CCDC178: variants seen among roughly 807,000 people sequenced by gnomAD.
CCDC178 encodes the protein coiled-coil domain-containing protein 178.
CCDC178 carries 126 observed loss-of-function variants against 117.4 expected under a neutral mutation model. The ratio of observed to expected loss-of-function variants is 1.07; its 90% CI spans 0.93 to 1.24. CCDC178 has a LOEUF of 1.24. CCDC178 is among the 50% of genes most tolerant of loss of function. The pLI is 0.00. For missense variants in CCDC178, 1,030 were observed against 986.9 expected (o/e 1.04, Z -0.59); for synonymous variants, 283 against 313.4 (o/e 0.90, Z 1.02).
In CCDC178 at chr18:32,990,115, T is replaced by C. The variant is rs1462350940; in HGVS notation, c.2389-15434A>G. Among the ~76,000 whole-genome samples the C allele has an allele frequency of 2.6e-5, 4 of 152,152 alleles. No individual in the cohort carries two copies. The East Asian group carries it at 7.7e-4, about 29-fold the overall frequency. ...GAGAAAATTGGAAGACTTCTTTAAATATACTGAATGAGATCTAACTAAATA... is the reference window on the plus strand; with the variant it reads ...GAGAAAATTGGAAGACTTCTTTAAACATACTGAATGAGATCTAACTAAATA... On this transcript the variant is annotated intron_variant, in intron 21 of 22. Transcript: ENST00000383096.
chr18:33,241,736 A>C (rs763783225), intron 15 of CCDC178, among the ~76,000 whole-genome samples: 4 of 151,786 alleles, frequency 2.6e-5, no homozygotes, highest in Admixed American at 1.3e-4. Flanking sequence ...ACAAAATGGA[A>C]AAACATCCAA....
intron 22 of CCDC178, among the ~76,000 whole-genome samples, chr18:32,954,926 A>T (rs931372372): frequency 1.3e-5 from 2 of 152,174 alleles, no homozygotes; most frequent in Non-Finnish European, 2.9e-5. Context: ...CACTTAAAAA[A>T]AAAAGTCTTG....
chr18:33,392,223 C>T (rs996498644), intron 4 of CCDC178, among the ~76,000 whole-genome samples: 7 of 152,108 alleles, frequency 4.6e-5, no homozygotes, highest in Non-Finnish European at 8.8e-5. Context: ...GCCACCCCAA[C>T]CCATAGGGGC....
Position 33,039,691 on chromosome 18 carries a change from G to A in CCDC178, c.2388+53070C>T, listed in dbSNP as rs1157076948. On this transcript the variant is annotated intron_variant, in intron 21 of 22. Transcript: ENST00000383096. ...TTATGAAAAGGCACTATTTCAAAACGAGAGAGGGGACCTTAGATGCATCTC... is the reference window on the plus strand; with the variant it reads ...TTATGAAAAGGCACTATTTCAAAACAAGAGAGGGGACCTTAGATGCATCTC... Among the ~76,000 whole-genome samples the A allele has an allele frequency of 2.6e-5, 4 of 151,934 alleles. No individual in the cohort carries two copies. In the East Asian group the frequency reaches 5.8e-4, roughly 22 times the overall value.
chr18:33,174,501 T>A (rs892083297), intron 20 of CCDC178, among the ~76,000 whole-genome samples: 3 of 152,136 alleles, frequency 2.0e-5, no homozygotes, highest in African/African-American at 4.8e-5. Flanking sequence ...GGACTATGAA[T>A]GAGGACAGAG....
chr18:33,310,082 C>T (rs1261369942), intron 11 of CCDC178, among the ~76,000 whole-genome samples: 1 of 152,122 alleles, frequency 6.6e-6, no homozygotes, highest in Non-Finnish European at 1.5e-5. Flanking sequence ...CTGCCTCAGC[C>T]TTCTGAGTAG....
At chr18:33,249,034 T>C (rs1212216295) in intron 14 of CCDC178, among the ~76,000 whole-genome samples, 1 of 152,188 alleles carries the variant, frequency 6.6e-6, no homozygotes, top group Non-Finnish European at 1.5e-5. Context: ...TGAGCATTTT[T>C]TCATGTGTGT....
chr18:33,432,919 G>T (rs555036170), intron 2 of CCDC178, among the ~76,000 whole-genome samples: 1 of 152,200 alleles, frequency 6.6e-6, no homozygotes, highest in South Asian at 2.1e-4. Flanking sequence ...TCTTTAAGAG[G>T]TTTAATTATT....
At chr18:33,133,421 T>C (rs2058089252) in intron 20 of CCDC178, among the ~76,000 whole-genome samples, 1 of 151,936 alleles carries the variant, frequency 6.6e-6, no homozygotes, top group African/African-American at 2.4e-5. Flanking sequence ...CTCTAGGTTT[T>C]ATAGAAAGAA....
In CCDC178 at chr18:33,351,967, A is replaced by AT. The variant is rs376430440; in HGVS notation, c.372-2993dup. 1.6e-3 allele frequency among the ~76,000 whole-genome samples: 237 copies of AT among 152,154 alleles called. 1 individual carries two copies. Among genetic ancestry groups the AT allele is most frequent in the African/African-American group, 5.6e-3 (233 of 41,500 alleles). On this transcript the variant is annotated intron_variant, in intron 7 of 22. Transcript: ENST00000383096. ...CTTAGAAATTATTCTCTTCTTTTCTATTTTTTGGAAGAGTTTGAGAAGGAC... is the reference window on the plus strand; with the variant it reads ...CTTAGAAATTATTCTCTTCTTTTCTATTTTTTTGGAAGAGTTTGAGAAGGAC...
At chr18:33,198,267 T>C (rs1246280409) in intron 20 of CCDC178, among the ~76,000 whole-genome samples, 1 of 152,184 alleles carries the variant, frequency 6.6e-6, no homozygotes, top group Non-Finnish European at 1.5e-5. Context: ...TGCCTCTCTC[T>C]GTCTCTCTCT....
At chr18:33,330,400 G>A (rs1315942600) in intron 10 of CCDC178, among the ~76,000 whole-genome samples, 1 of 152,038 alleles carries the variant, frequency 6.6e-6, no homozygotes, top group African/African-American at 2.4e-5. Context: ...CAGAGTTTAT[G>A]GCTCACGCTA....
intron 20 of CCDC178, among the ~76,000 whole-genome samples, chr18:33,192,603 T>G (rs2058872853): frequency 6.6e-6 from 1 of 151,892 alleles, no homozygotes; most frequent in Non-Finnish European, 1.5e-5. Flanking sequence ...CAGTGAAGAG[T>G]AAAATCCTCT....
intron 21 of CCDC178, among the ~76,000 whole-genome samples, chr18:33,055,853 G>A (rs898255913): frequency 4.6e-5 from 7 of 150,646 alleles, no homozygotes; most frequent in African/African-American, 1.5e-4. Context: ...CACCCAGGCC[G>A]GAGTGCAGTG....
At chr18:33,259,442 G>A (rs9959321) in intron 14 of CCDC178, among the ~76,000 whole-genome samples, 10,244 of 152,172 alleles carry the variant, frequency 0.067, 512 homozygotes, top group African/African-American at 0.14. Flanking sequence ...AGTTCTTCAG[G>A]CTTAACAGGA....
chr18:33,066,126 G>A (rs2057011673), intron 21 of CCDC178, among the ~76,000 whole-genome samples: 1 of 152,114 alleles, frequency 6.6e-6, no homozygotes, highest in South Asian at 2.1e-4. Context: ...CTCCCAAAGT[G>A]CTGGGATTAC....
chr18:33,207,373 G>A (rs956483556), intron 20 of CCDC178, among the ~76,000 whole-genome samples: 18 of 151,600 alleles, frequency 1.2e-4, no homozygotes, highest in South Asian at 6.2e-4. Context: ...GCCAATTAAC[G>A]TATATTTAAA....
intron 5 of CCDC178, among the ~76,000 whole-genome samples, chr18:33,377,839 T>C (rs1005819149): frequency 1.2e-4 from 18 of 152,204 alleles, no homozygotes; most frequent in African/African-American, 4.3e-4. Flanking sequence ...CATGCTGTTT[T>C]AGTTACTGTA....
intron 20 of CCDC178, among the ~76,000 whole-genome samples, chr18:33,211,142 T>TAC (rs1424029711): frequency 6.6e-6 from 1 of 151,886 alleles, no homozygotes; most frequent in African/African-American, 2.4e-5. Context: ...ATTATGATAC[T>TAC]ACATATACTT....
Sources: allele counts gnomAD v4.1 joint callset (sites outside exome capture counted in the v4.1 genomes callset), GRCh38; gene constraint gnomAD v4.1.1; transcripts MANE v1.5; gene names NCBI Gene and HGNC (gene_info 2026-07-23, HGNC 2026-07-21).